Variants in POU6F2 observed in about 807,000 individuals in gnomAD.
POU6F2 encodes the protein POU class 6 homeobox 2.
In POU6F2, 31 loss-of-function variants were observed where a neutral mutation model predicts 71.3. The ratio of observed to expected loss-of-function variants is 0.43; its 90% CI spans 0.33 to 0.59. The LOEUF (loss-of-function observed/expected upper bound fraction) is 0.59. Among genes scored for constraint, POU6F2 ranks in the 20% least tolerant of loss-of-function variants. The pLI is 0.04. For missense variants in POU6F2, 783 were observed against 856.8 expected, an observed-to-expected ratio of 0.91 and a Z score of 1.07; for synonymous variants, 347 against 355.7, an observed-to-expected ratio of 0.98 and a Z score of 0.27.
At chr7:39,022,863 C>A (rs1367380688) in intron 1 of POU6F2, among the ~76,000 whole-genome samples, 1 of 151,930 alleles carries the variant, frequency 6.6e-6, no homozygotes, top group East Asian at 1.9e-4. Context: ...GGGTAAATAC[C>A]AAGAGCAGAG....
intron 1 of POU6F2, among the ~76,000 whole-genome samples, chr7:39,071,372 T>C (rs1446060888): frequency 6.6e-6 from 1 of 151,998 alleles, no homozygotes; most frequent in African/African-American, 2.4e-5. Context: ...TAAATACAGA[T>C]GAAGTTTCAC....
intron 2 of POU6F2, among the ~76,000 whole-genome samples, chr7:39,152,969 C>T (rs1456486357): frequency 6.6e-6 from 1 of 152,168 alleles, no homozygotes; most frequent in Non-Finnish European, 1.5e-5. Flanking sequence ...TGTTCCCAGG[C>T]TGCCTGTCAC....
intron 4 of POU6F2, among the ~76,000 whole-genome samples, chr7:39,268,342 T>C (rs1489634648): frequency 1.3e-5 from 2 of 152,188 alleles, no homozygotes; most frequent in Non-Finnish European, 2.9e-5. Context: ...ATGTTATCTT[T>C]ATGAGTGTCT....
At chr7:39,008,881 T>C (rs1238624797) in intron 1 of POU6F2, among the ~76,000 whole-genome samples, 10 of 149,958 alleles carry the variant, frequency 6.7e-5, no homozygotes, top group Non-Finnish European at 1.4e-4. Flanking sequence ...CATTGATCTA[T>C]ATCTCTGTTT....
In POU6F2 at chr7:39,168,920, A is replaced by C. The variant is rs544994558; in HGVS notation, c.278-35315A>C. Among the ~76,000 whole-genome samples, 4 of 152,294 alleles carry C rather than the reference A, an allele frequency of 2.6e-5. No homozygotes were observed. In the East Asian group the frequency reaches 7.7e-4, roughly 29 times the overall value. On this transcript the variant is annotated intron_variant, in intron 2 of 9. Transcript: ENST00000518318. The stretch of plus-strand genomic sequence containing the variant: ...TGCGCCCATGTGGCCAGATTGATCC[A>C]TTTCAAAGCAATGGTCATTAGATTG...
At chr7:39,251,211 C>T (rs1264329469) in intron 4 of POU6F2, among the ~76,000 whole-genome samples, 1 of 152,204 alleles carries the variant, frequency 6.6e-6, no homozygotes, top group Non-Finnish European at 1.5e-5. Context: ...AATGTTTCCC[C>T]TCTCCAGAAG....
chr7:39,401,257 G>C (rs1562816370), intron 5 of POU6F2, among the ~76,000 whole-genome samples: 2 of 152,202 alleles, frequency 1.3e-5, no homozygotes, highest in Non-Finnish European at 2.9e-5. Flanking sequence ...AGTGGTCAAT[G>C]GAGACAGTTG....
At chr7:39,393,854 A>G (rs1787123573) in intron 5 of POU6F2, among the ~76,000 whole-genome samples, 1 of 152,204 alleles carries the variant, frequency 6.6e-6, no homozygotes, top group Non-Finnish European at 1.5e-5. Flanking sequence ...CATTTGTTAC[A>G]AGCATATTTT....
chr7:39,409,252 G>A (rs1470513636), intron 6 of POU6F2, among the ~76,000 whole-genome samples: 1 of 152,196 alleles, frequency 6.6e-6, no homozygotes, highest in Non-Finnish European at 1.5e-5. Flanking sequence ...ACATTTGGAA[G>A]TTCACCCAAG....
chr7:39,399,868 A>AAAAG (rs201726770), intron 5 of POU6F2, among the ~76,000 whole-genome samples: 1 of 64,634 alleles, frequency 1.5e-5, no homozygotes, highest in Admixed American at 1.5e-4. Context: ...AACAAAAAAA[A>AAAAG]AAAGAAAGAA....
chr7:39,344,697 A>G (rs1202578301), intron 5 of POU6F2, among the ~76,000 whole-genome samples: 1 of 152,002 alleles, frequency 6.6e-6, no homozygotes, highest in Non-Finnish European at 1.5e-5. Flanking sequence ...AATATTACTC[A>G]AGGCTCTGTG....
chr7:39,289,753 ATACCCTAGCCC>A (rs1784716350), intron 4 of POU6F2, among the ~76,000 whole-genome samples: 2 of 152,234 alleles, frequency 1.3e-5, no homozygotes. Flanking sequence ...ATTAAAACAA[ATACCCTAGCCC>A]CACAGTATAG....
chr7:39,048,377 A>G (rs1041583275), intron 1 of POU6F2, among the ~76,000 whole-genome samples: 3 of 151,748 alleles, frequency 2.0e-5, no homozygotes, highest in African/African-American at 7.3e-5. Context: ...TGCACCCTCA[A>G]GTAGGCCCCA....
At chr7:39,452,452 G>A (rs1788684140) in intron 8 of POU6F2, among the ~76,000 whole-genome samples, 2 of 152,200 alleles carry the variant, frequency 1.3e-5, no homozygotes, top group Non-Finnish European at 2.9e-5. Flanking sequence ...ATATAAAACT[G>A]CAGAACATGT....
chr7:39,248,046 C>T (rs1783850933), intron 4 of POU6F2, among the ~76,000 whole-genome samples: 1 of 151,728 alleles, frequency 6.6e-6, no homozygotes, highest in Non-Finnish European at 1.5e-5. Flanking sequence ...ATATTAAAGA[C>T]AGGATTTAGT....
At chr7:39,385,476 G>C (rs900970406) in intron 5 of POU6F2, among the ~76,000 whole-genome samples, 10 of 152,208 alleles carry the variant, frequency 6.6e-5, no homozygotes, top group African/African-American at 2.4e-4. Flanking sequence ...TTGGAGGTGT[G>C]AAAGAACATG....
intron 2 of POU6F2, among the ~76,000 whole-genome samples, chr7:39,191,704 C>T (rs1031138141): frequency 1.3e-5 from 2 of 152,170 alleles, no homozygotes; most frequent in Non-Finnish European, 2.9e-5. Context: ...AACAAGAGGA[C>T]AACAAAATAA....
intron 4 of POU6F2, among the ~76,000 whole-genome samples, chr7:39,320,744 G>T (rs1052150610): frequency 6.6e-6 from 1 of 152,154 alleles, no homozygotes; most frequent in Non-Finnish European, 1.5e-5. Context: ...ATTAGGCATA[G>T]TAAGGGGTTA....
chr7:39,452,304 T>G (rs1007891948), intron 8 of POU6F2, among the ~76,000 whole-genome samples: 48 of 152,182 alleles, frequency 3.2e-4, no homozygotes, highest in African/African-American at 1.1e-3. Flanking sequence ...CCTATATATA[T>G]GTATATATAG....
Sources: gnomAD v4.1 joint callset for allele counts (sites outside exome capture counted in the v4.1 genomes callset) on GRCh38, gnomAD v4.1.1 for gene constraint, MANE v1.5 for transcripts, NCBI Gene and HGNC (gene_info 2026-07-23, HGNC 2026-07-21) for gene names.